ASIC2: variants seen among roughly 807,000 people sequenced by gnomAD.
ASIC2 encodes acid sensing ion channel subunit 2.
ASIC2 carries 25 observed loss-of-function variants against 57.3 expected under a neutral mutation model. The observed-to-expected ratio is 0.44, with a 90% CI of 0.32 to 0.61. The LOEUF (loss-of-function observed/expected upper bound fraction) is 0.61. ASIC2 is among the 20% of genes least tolerant of loss of function. The probability of loss-of-function intolerance (pLI) is 0.06; values close to 1 mark genes in which losing one functional copy is unlikely to be tolerated. For missense variants in ASIC2, 641 were observed against 738.1 expected (o/e 0.87, Z 1.52); for synonymous variants, 319 against 307.5 (o/e 1.04, Z -0.39).
intron 1 of ASIC2, among the ~76,000 whole-genome samples, chr17:33,741,144 C>T (rs1308476623): frequency 6.6e-6 from 1 of 152,022 alleles, no homozygotes; most frequent in Non-Finnish European, 1.5e-5. Flanking sequence ...CAGAGAGTGA[C>T]TGCCCAGGGT....
intron 1 of ASIC2, among the ~76,000 whole-genome samples, chr17:33,182,238 C>G (rs148153376): frequency 1.8e-3 from 274 of 152,196 alleles, no homozygotes; most frequent in Middle Eastern, 0.014. Flanking sequence ...GATTTGCTGA[C>G]AAGTTGGATA....
chr17:34,038,690 T>G, intron 1 of ASIC2: 1 of 1,599,220 alleles, frequency 6.3e-7, no homozygotes, highest in Non-Finnish European at 8.6e-7. Flanking sequence ...TTCCTCCTTT[T>G]TAAGATGACC....
At position 33,963,542 on chromosome 17, in the gene ASIC2, G is replaced by A. The variant is rs146752592; in HGVS notation, c.555+192436C>T. ...ACTTAAATATGCATTGGACAGAACC[G>A]AGAAGAAAGCAGGCTGGCTCCTGCC... On this transcript the variant is annotated intron_variant, in intron 1 of 9. Transcript: ENST00000359872. Among the ~76,000 whole-genome samples the A allele has an allele frequency of 4.9e-3, 740 of 152,276 alleles. 12 individuals are homozygous for A. The highest frequency in any genetic ancestry group is 0.017 in the African/African-American group (693 of 41,546).
chr17:34,047,608 C>T (rs1354525610), intron 1 of ASIC2, among the ~76,000 whole-genome samples: 1 of 147,746 alleles, frequency 6.8e-6, no homozygotes, highest in African/African-American at 2.5e-5. Context: ...TGCGGCATGA[C>T]TTTGTGGTTC....
chr17:33,394,027 T>C (rs1344019622), intron 1 of ASIC2, among the ~76,000 whole-genome samples: 2 of 152,234 alleles, frequency 1.3e-5, no homozygotes, highest in South Asian at 2.1e-4. Flanking sequence ...ATAGGATTAA[T>C]GTGACAATAA....
intron 3 of ASIC2, among the ~76,000 whole-genome samples, chr17:33,067,559 C>T (rs2092048995): frequency 2.6e-5 from 4 of 152,252 alleles, no homozygotes; most frequent in Admixed American, 2.6e-4. Context: ...TCACAGGAGG[C>T]CTTGAACTTT....
intron 1 of ASIC2, among the ~76,000 whole-genome samples, chr17:33,972,804 C>T (rs976377434): frequency 6.6e-6 from 1 of 152,264 alleles, no homozygotes; most frequent in African/African-American, 2.4e-5. Context: ...TCATAACACA[C>T]TGTGGGGACT....
At chr17:33,972,916 G>A (rs979053876) in intron 1 of ASIC2, among the ~76,000 whole-genome samples, 8 of 152,240 alleles carry the variant, frequency 5.3e-5, no homozygotes, top group African/African-American at 1.9e-4. Flanking sequence ...CCCTCTCTGG[G>A]TCACAGTTTC....
intron 1 of ASIC2, among the ~76,000 whole-genome samples, chr17:33,740,460 T>C (rs566479595): frequency 1.3e-5 from 2 of 152,302 alleles, no homozygotes; most frequent in South Asian, 2.1e-4. Context: ...CTTATAAAAC[T>C]GTCAGATCTC....
intron 1 of ASIC2, among the ~76,000 whole-genome samples, chr17:33,567,324 C>T (rs573620335): frequency 2.6e-4 from 40 of 152,170 alleles, no homozygotes; most frequent in Non-Finnish European, 2.4e-4. Context: ...AGACAGCAAG[C>T]GTAGCTGGAG....
At chr17:33,898,158 T>A (rs1915143962) in intron 1 of ASIC2, among the ~76,000 whole-genome samples, 2 of 151,808 alleles carry the variant, frequency 1.3e-5, no homozygotes, top group African/African-American at 4.8e-5. Context: ...TTTTACTTTT[T>A]ATTTGGAATA....
At chr17:33,522,176 C>A (rs1281528313) in intron 1 of ASIC2, among the ~76,000 whole-genome samples, 2 of 152,236 alleles carry the variant, frequency 1.3e-5, no homozygotes, top group African/African-American at 4.8e-5. Flanking sequence ...CAGCCTTGTG[C>A]CCTCTGCTCA....
chr17:33,119,725 G>A (rs1165516782), intron 1 of ASIC2, among the ~76,000 whole-genome samples: 1 of 152,178 alleles, frequency 6.6e-6, no homozygotes, highest in Non-Finnish European at 1.5e-5. Context: ...CTCACAATGA[G>A]TTTAAAAAAG....
intron 1 of ASIC2, chr17:33,112,292 T>C: frequency 1.8e-6 from 1 of 550,746 alleles, no homozygotes; most frequent in South Asian, 2.3e-5. Flanking sequence ...TTGGGGTTTG[T>C]TGCAGTAGGA....
At chr17:33,312,157 A>G (rs1471211128) in intron 1 of ASIC2, among the ~76,000 whole-genome samples, 1 of 152,222 alleles carries the variant, frequency 6.6e-6, no homozygotes, top group East Asian at 1.9e-4. Flanking sequence ...TAATATTGAT[A>G]CTGTAGATTT....
chr17:33,169,709 C>T (rs1567771374), intron 1 of ASIC2, among the ~76,000 whole-genome samples: 1 of 152,144 alleles, frequency 6.6e-6, no homozygotes, highest in Non-Finnish European at 1.5e-5. Flanking sequence ...TATGAAGCTC[C>T]AGAGTCAATG....
intron 1 of ASIC2, among the ~76,000 whole-genome samples, chr17:34,088,894 G>T (rs1027316289): frequency 6.6e-6 from 1 of 152,322 alleles, no homozygotes; most frequent in Non-Finnish European, 1.5e-5. Context: ...TCGGAAAAGC[G>T]CGGTATTTGG....
At chr17:33,243,751 T>A (rs1273688570) in intron 1 of ASIC2, among the ~76,000 whole-genome samples, 1 of 152,190 alleles carries the variant, frequency 6.6e-6, no homozygotes, top group African/African-American at 2.4e-5. Context: ...CACTTAAAAA[T>A]ACTTTTTAGT....
intron 1 of ASIC2, among the ~76,000 whole-genome samples, chr17:33,477,384 C>T (rs1913264168): frequency 6.6e-6 from 1 of 152,172 alleles, no homozygotes; most frequent in Admixed American, 6.5e-5. Flanking sequence ...AGCCCTGAAT[C>T]AGTGAGGTGA....
Sources: allele counts gnomAD v4.1 joint callset (sites outside exome capture counted in the v4.1 genomes callset), GRCh38; gene constraint gnomAD v4.1.1; transcripts MANE v1.5; gene names NCBI Gene and HGNC (gene_info 2026-07-23, HGNC 2026-07-21).